Variants in RHPN1 observed in about 807,000 individuals in gnomAD.
RHPN1 encodes rhophilin-1.
Under a neutral mutation model 74.7 loss-of-function variants are expected in RHPN1, and 77 were observed. That is an observed-to-expected ratio of 1.03 (90% CI 0.86 to 1.25). The LOEUF (loss-of-function observed/expected upper bound fraction) is 1.25, where lower values mean the gene tolerates loss of function less well. RHPN1 is among the 50% of genes most tolerant of loss of function. RHPN1 has a pLI of 0.00. For synonymous variants in RHPN1, 444 were observed against 414.5 expected (o/e 1.07, Z -0.87); for missense variants, 987 against 932.2 (o/e 1.06, Z -0.77).
Position 143,377,460 on chromosome 8 carries a change from G to A in RHPN1, c.381+5G>A. ...GACTGGTCTACACCGCTGAAGGTAGGTACTGGCCTCCAAGCTCTGAGATAC... is the reference window on the plus strand; with the variant it reads ...GACTGGTCTACACCGCTGAAGGTAGATACTGGCCTCCAAGCTCTGAGATAC... On this transcript the variant is annotated splice_donor_5th_base_variant and intron_variant, in intron 4 of 14. Coordinates refer to ENST00000289013, the MANE Select transcript of RHPN1 (RefSeq NM_052924.3). 1 of 1,609,888 alleles carries A rather than the reference G, an allele frequency of 6.2e-7. No homozygotes were observed. The highest frequency in any genetic ancestry group is 8.5e-7 in the Non-Finnish European group (1 of 1,176,542).
rs186795985 is a variant in RHPN1 at position 143,371,815 on chromosome 8, G to T, written c.60+2768G>T. Among the ~76,000 whole-genome samples, 7 of 152,350 alleles carry T rather than the reference G, an allele frequency of 4.6e-5. No individual in the cohort carries two copies. The South Asian group carries it at 1.4e-3, about 32-fold the overall frequency. ...TGGACGTGGGGGTGGGGAGCTCCAG[G>T]TCACCTTTGTCTCCAGAGGGTGGGG... On this transcript the variant is annotated intron_variant, in intron 1 of 14. Transcript: ENST00000289013.
chr8:143,375,513 C>T, intron 1 of RHPN1, 40 bp from the exon 2 acceptor site: 1 of 1,456,908 alleles, frequency 6.9e-7, no homozygotes, highest in Non-Finnish European at 9.3e-7. Context: ...GGTGCGGGCG[C>T]CACGGGGTCG....
chr8:143,378,950 C>T lies in RHPN1; in HGVS notation c.623C>T (p.Ala208Val). 6.3e-7 allele frequency: 1 copy of T among 1,576,274 alleles called. No homozygotes were observed. ...ACTGGGGTCCCGGCCCAGCAGCGTG[C>T]CCTGGCCTTCGAGAAGGGCAGCGTT... The part of the protein sequence containing the change: ...SLTGVPAQQR[A>V]LAFEKGSVLF... Residue 208 changes from alanine to valine, a missense_variant, in exon 7 of 15, where the codon GCC (alanine) becomes GTC (valine). Ala to Val is a moderately conservative substitution (Grantham distance 64, BLOSUM62 0). Transcript: ENST00000289013.
Position 143,375,603 on chromosome 8 carries a change from G to C in RHPN1, c.111G>C (p.Arg37Ser). The change falls in exon 2 of 15, where the codon AGG becomes AGC. Residue 37 changes from arginine (R) to serine (S), a missense_variant. Physicochemically the swap from Arg to Ser is moderately radical, Grantham distance 110. Transcript: ENST00000289013. Reference protein sequence around the residue: ...QIQCGQLQSRRAQIHQQIDKE... With the variant: ...QIQCGQLQSRSAQIHQQIDKE... Reference sequence around the variant, plus strand: ...AGTGCGGCCAGCTGCAGAGCCGCAGGGCCCAGATTCACCAGCAGATTGACA... The same window carrying C: ...AGTGCGGCCAGCTGCAGAGCCGCAGCGCCCAGATTCACCAGCAGATTGACA... 2 of 1,608,514 alleles carry C rather than the reference G, an allele frequency of 1.2e-6. No homozygotes were observed. Among genetic ancestry groups the C allele is most frequent in the Non-Finnish European group, 1.7e-6 (2 of 1,178,188 alleles).
chr8:143,365,577 G>A (rs1017127611), upstream of RHPN1, among the ~76,000 whole-genome samples: 5 of 152,204 alleles, frequency 3.3e-5, no homozygotes, highest in African/African-American at 1.2e-4. Context: ...AGACCTTGAG[G>A]TCTTCACCCA....
In RHPN1 at chr8:143,378,682, C is replaced by T. The variant is rs1015223164; in HGVS notation, c.460-14C>T. The T allele has an allele frequency of 6.3e-7, 1 of 1,591,640 alleles. No individual in the cohort carries two copies. Among genetic ancestry groups the T allele is most frequent in the Admixed American group, 1.7e-5 (1 of 57,154 alleles). ...GGGCCAGGGCGGTGGGGCCCAGTGG[C>T]TCCTGCCCTGCAGGCCATGCGGACC... On this transcript the variant is annotated splice_polypyrimidine_tract_variant and intron_variant, in intron 5 of 14. Coordinates refer to ENST00000289013, the MANE Select transcript of RHPN1 (RefSeq NM_052924.3).
rs1430735309 is a variant in RHPN1 at position 143,381,948 on chromosome 8, A to G, written c.1777A>G (p.Ser593Gly). ...ASLQVVSLLP[S>G]SRLPSLGDRR... ...CCTGCAGGTGGTGTCGCTGCTGCCC[A>G]GCTCTAGACTGCCCAGCTTGGTGAG... Residue 593 changes from serine to glycine, a missense_variant, in exon 14 of 15, where the codon AGC becomes GGC. Coordinates refer to ENST00000289013, the MANE Select transcript of RHPN1 (RefSeq NM_052924.3). 2 of 1,601,522 alleles carry G rather than the reference A, an allele frequency of 1.2e-6. No homozygotes were observed. Among genetic ancestry groups the G allele is most frequent in the Non-Finnish European group, 1.7e-6 (2 of 1,174,182 alleles).
At chr8:143,375,986 C>T (rs901468958) in intron 2 of RHPN1, among the ~76,000 whole-genome samples, 10 of 152,212 alleles carry the variant, frequency 6.6e-5, no homozygotes, top group Non-Finnish European at 1.5e-4. Flanking sequence ...CAGGTGATGG[C>T]GCGTCCCAAG....
rs1285453988 is a variant in RHPN1 at position 143,379,893 on chromosome 8, C to T, written c.1010C>T (p.Pro337Leu). Residue 337 changes from proline to leucine, a missense_variant, in exon 9 of 15, where the codon CCT becomes CTT. Coordinates refer to ENST00000289013, the MANE Select transcript of RHPN1 (RefSeq NM_052924.3). ...MAQPPVHDYV[P>L]VSWTALVHVK... ...CAGCCACCCGTCCACGACTACGTGC[C>T]TGTCTCCTGGACTGCCCTGGTGCAT... 1.9e-6 allele frequency: 3 copies of T among 1,609,254 alleles called. No individual in the cohort carries two copies. The highest frequency in any genetic ancestry group is 2.5e-6 in the Non-Finnish European group (3 of 1,178,326).
At chr8:143,369,994 G>T (rs1817718927) in intron 1 of RHPN1, among the ~76,000 whole-genome samples, 1 of 152,196 alleles carries the variant, frequency 6.6e-6, no homozygotes, top group Non-Finnish European at 1.5e-5. Flanking sequence ...TGCCCACCCC[G>T]AGGCGTGCCA....
intron 1 of RHPN1, among the ~76,000 whole-genome samples, chr8:143,371,957 G>C (rs907839230): frequency 2.0e-5 from 3 of 152,248 alleles, no homozygotes; most frequent in Non-Finnish European, 1.5e-5. Flanking sequence ...GGTCTACCCA[G>C]CCTCAAAGGT....
Position 143,379,447 on chromosome 8 carries a change from C to T in RHPN1, c.884C>T (p.Pro295Leu). 2 of 1,574,796 alleles carry T rather than the reference C, an allele frequency of 1.3e-6. No individual in the cohort carries two copies. The highest frequency in any genetic ancestry group is 1.8e-5 in the Admixed American group (1 of 54,794). ...TGTGTGTTTGAGGGCCTCTCACCAC[C>T]TGCCTCCATGGCCCCCCAAGACTGC... ...QECVFEGLSP[P>L]ASMAPQDCLA... Residue 295 changes from proline to leucine, a missense_variant, in exon 8 of 15, where the codon CCT becomes CTT. Physicochemically the swap from Pro to Leu is moderately conservative, Grantham distance 98. Coordinates refer to ENST00000289013, the MANE Select transcript of RHPN1 (RefSeq NM_052924.3).
Position 143,379,513 on chromosome 8 carries a change from G to T in RHPN1, c.945+5G>T. 1 of 1,540,748 alleles carries T rather than the reference G, an allele frequency of 6.5e-7. No individual in the cohort carries two copies. Among genetic ancestry groups the T allele is most frequent in the Non-Finnish European group, 8.8e-7 (1 of 1,141,732 alleles). ...CTGGCGCAGGAGGCCGCCCAGGTGA[G>T]CTCGGGCACCCGTGTCAGGATGCAG... is the stretch of plus-strand genomic sequence containing the variant. On this transcript the variant is annotated splice_donor_5th_base_variant and intron_variant, in intron 8 of 14. Coordinates refer to ENST00000289013, the MANE Select transcript of RHPN1 (RefSeq NM_052924.3).
upstream of RHPN1, among the ~76,000 whole-genome samples, chr8:143,365,858 G>A (rs114153166): frequency 1.3e-5 from 2 of 151,936 alleles, no homozygotes; most frequent in Non-Finnish European, 2.9e-5. Context: ...TTATCTGGAT[G>A]TGGTGGCGCA....
chr8:143,381,601 C>T lies in RHPN1; in HGVS notation c.1518C>T (p.Asn506=). The T allele has an allele frequency of 6.2e-7, 1 of 1,610,146 alleles. No homozygotes were observed. The highest frequency in any genetic ancestry group is 8.5e-7 in the Non-Finnish European group (1 of 1,179,310). The change falls in exon 13 of 15, where the codon AAC becomes AAT. Residue 506 remains asparagine, a synonymous_variant. Transcript: ENST00000289013. ...LGPLSVFSAK[N]RWRLVGPVHL... is the part of the protein sequence containing the mutation. ...CCCTGTCTGTGTTCTCAGCCAAGAA[C>T]CGGTGGCGGCTGGTGGGGCCCGTCC...
intron 1 of RHPN1, among the ~76,000 whole-genome samples, chr8:143,372,320 G>A (rs1423949707): frequency 6.6e-6 from 1 of 150,618 alleles, no homozygotes; most frequent in African/African-American, 2.4e-5. Context: ...GCGGGGGTGG[G>A]CGGGCCTCAG....
Position 143,376,655 on chromosome 8 carries a change from T to A in RHPN1, c.305+2T>A. 6.4e-7 allele frequency: 1 copy of A among 1,561,038 alleles called. No homozygotes were observed. The highest frequency in any genetic ancestry group is 8.7e-7 in the Non-Finnish European group (1 of 1,153,526). On this transcript the variant is annotated splice_donor_variant, in intron 3 of 14. Transcript: ENST00000289013. LOFTEE classifies it high-confidence loss of function. ...CGTGGACCCTGGCCGGCATGGGAGGTGCGGGTGGGGGCCGGGACAGCACGT... is the reference window on the plus strand; with the variant it reads ...CGTGGACCCTGGCCGGCATGGGAGGAGCGGGTGGGGGCCGGGACAGCACGT...
intron 1 of RHPN1, among the ~76,000 whole-genome samples, chr8:143,374,984 C>T (rs1167733054): frequency 6.6e-6 from 1 of 152,198 alleles, no homozygotes; most frequent in East Asian, 1.9e-4. Flanking sequence ...CTTCGAGAAC[C>T]ATTCCCAAAG....
chr8:143,383,374 C>T lies in RHPN1; in HGVS notation c.*723C>T, dbSNP rs903110663. The T allele has an allele frequency of 9.8e-5, 15 of 152,380 alleles. No individual in the cohort carries two copies. The highest frequency in any genetic ancestry group is 3.4e-4 in the African/African-American group (14 of 41,450). 9.4% of individuals were successfully genotyped at this position (152,380 alleles called of 1,614,324 possible). On this transcript the variant is annotated 3_prime_UTR_variant, in exon 15 of 15. Coordinates refer to ENST00000289013, the MANE Select transcript of RHPN1 (RefSeq NM_052924.3). ...GAGCATGGGTGCCACCCTCCAGCTC[C>T]TGGGCGTGTCACTTCTCTCTGAGCC...
Sources: allele counts gnomAD v4.1 joint callset (sites outside exome capture counted in the v4.1 genomes callset), GRCh38; gene constraint gnomAD v4.1.1; transcripts MANE v1.5; gene names NCBI Gene and HGNC (gene_info 2026-07-23, HGNC 2026-07-21).